Variants in TMEM8B observed in about 807,000 individuals in gnomAD.
TMEM8B encodes the protein transmembrane protein 8B.
A neutral mutation model predicts 49.3 loss-of-function variants in TMEM8B; 29 were observed. The ratio of observed to expected loss-of-function variants is 0.59; its 90% CI spans 0.44 to 0.80. TMEM8B has a LOEUF of 0.80. TMEM8B is among the 30% of genes least tolerant of loss of function. The pLI, the probability that TMEM8B is intolerant of heterozygous loss-of-function variation, is 0.00. For synonymous variants in TMEM8B, 264 were observed against 272.8 expected, an observed-to-expected ratio of 0.97 and a Z score of 0.32; for missense variants, 575 against 658.5, an observed-to-expected ratio of 0.87 and a Z score of 1.39.
Position 35,854,006 on chromosome 9 carries a change from G to A in TMEM8B, c.*166G>A. On this transcript the variant is annotated 3_prime_UTR_variant, in exon 13 of 13. Transcript: ENST00000643932. Reference sequence around the variant, plus strand: ...GACCTGGAGCCCTTCCCAGGACATGGAGAACTTCCTGAGGGCCTGGAGTCC... The same window carrying A: ...GACCTGGAGCCCTTCCCAGGACATGAAGAACTTCCTGAGGGCCTGGAGTCC... The A allele has an allele frequency of 1.5e-6, 2 of 1,342,864 alleles. No individual in the cohort carries two copies. The highest frequency in any genetic ancestry group is 4.6e-5 in the South Asian group (2 of 43,626). 83.2% of individuals were successfully genotyped at this position (1,342,864 alleles called of 1,614,324 possible).
intron 7 of TMEM8B, 83 bp from the exon 8 acceptor site, chr9:35,846,175 T>G: frequency 6.2e-7 from 1 of 1,606,934 alleles, no homozygotes; most frequent in South Asian, 1.1e-5. Context: ...AGGCTAGGGT[T>G]CCGGGAAGTG....
chr9:35,834,436 C>T (rs1014483753), intron 1 of TMEM8B, 25 bp from the exon 2 acceptor site: 9 of 413,996 alleles, frequency 2.2e-5, no homozygotes, highest in African/African-American at 1.9e-4. Flanking sequence ...CTGCCCTGCT[C>T]CTTTCTCTCT....
At chr9:35,833,907 C>T (rs115107501) in intron 1 of TMEM8B, among the ~76,000 whole-genome samples, 1,938 of 152,214 alleles carry the variant, frequency 0.013, 23 homozygotes, top group African/African-American at 0.04. Context: ...TTTTACTGCT[C>T]CTAACCACAG....
At position 35,860,398 on chromosome 9, in the gene TMEM8B, A is replaced by G. The variant is rs1465567042; in HGVS notation, c.*6558A>G. ...TTTCAGATTTATTCATCCACTAAGT[A>G]TTTATTAAGTACCTATTCTGTGCTA... On this transcript the variant is annotated 3_prime_UTR_variant, in exon 13 of 13. Transcript: ENST00000643932. 1 of 152,192 alleles carries G rather than the reference A, an allele frequency of 6.6e-6. No homozygotes were observed. The highest frequency in any genetic ancestry group is 1.5e-5 in the Non-Finnish European group (1 of 68,038). 9.4% of individuals were successfully genotyped at this position (152,192 alleles called of 1,614,324 possible).
chr9:35,834,006 A>G (rs1167530081), intron 1 of TMEM8B, among the ~76,000 whole-genome samples: 1 of 149,372 alleles, frequency 6.7e-6, no homozygotes, highest in African/African-American at 2.5e-5. Flanking sequence ...CAGCCTGCTC[A>G]GTGGCTTAAG....
intron 10 of TMEM8B, among the ~76,000 whole-genome samples, chr9:35,851,549 A>G (rs1240105715): frequency 6.6e-6 from 1 of 152,250 alleles, no homozygotes; most frequent in Non-Finnish European, 1.5e-5. Context: ...AGAGGGAACC[A>G]TGTCCCCAAA....
intron 10 of TMEM8B, among the ~76,000 whole-genome samples, chr9:35,849,958 G>A (rs1354873411): frequency 1.3e-5 from 2 of 152,210 alleles, no homozygotes; most frequent in African/African-American, 4.8e-5. Context: ...CTGGGGCTGT[G>A]CAGGTGTCCT....
At chr9:35,848,546 A>G (rs1200552780) in intron 10 of TMEM8B, among the ~76,000 whole-genome samples, 1 of 152,134 alleles carries the variant, frequency 6.6e-6, no homozygotes, top group African/African-American at 2.4e-5. Context: ...TCAGTGCTAG[A>G]TGACTCTTCC....
At position 35,841,316 on chromosome 9, in the gene TMEM8B, C is replaced by T; in HGVS notation, c.1040+49C>T. 2 of 416,860 alleles carry T rather than the reference C, an allele frequency of 4.8e-6. No individual in the cohort carries two copies. The allele number at this position is 416,860 out of a possible 1,614,324, so 25.8% of individuals were successfully genotyped here. A position where few individuals can be genotyped will look rare whatever the true frequency, so the allele number is the denominator to read the frequency against. ...TGGTCCTTTCCCTCTTCTGTGGCCT[C>T]ATACAGGCTGCAGGGTTCTCTCTTG... On this transcript the variant is annotated intron_variant, in intron 4 of 12. Transcript: ENST00000643932. The surrounding 1 kb of genome is among the most constrained non-coding windows in gnomAD (Gnocchi z 5.9).
intron 6 of TMEM8B, chr9:35,845,464 C>T (rs1282088244): frequency 2.0e-6 from 2 of 985,304 alleles, no homozygotes; most frequent in Non-Finnish European, 2.4e-6. Flanking sequence ...CTTTTAATCC[C>T]AGCCAGGTTG....
In TMEM8B at chr9:35,859,778, C is replaced by T. The variant is rs1183938551; in HGVS notation, c.*5938C>T. ...CAAAGGAGGAGGTGCCGCAGATGTC[C>T]ATGAGGGAGAGGTTGCTGAGAAGTA... On this transcript the variant is annotated 3_prime_UTR_variant, in exon 13 of 13. Coordinates refer to ENST00000643932, the MANE Select transcript of TMEM8B (RefSeq NM_001042590.4). 1.9e-5 allele frequency: 3 copies of T among 154,172 alleles called. No homozygotes were observed. The highest frequency in any genetic ancestry group is 4.4e-5 in the Non-Finnish European group (3 of 68,394). 9.6% of individuals were successfully genotyped at this position (154,172 alleles called of 1,614,324 possible).
At position 35,829,269 on chromosome 9, in the gene TMEM8B, A is replaced by G; in HGVS notation, c.-179A>G. Reference sequence around the variant, plus strand: ...GAGGCCGCCGCCGCGGGGCCTGGTTATCGCCGGTTCAGCGCAGCCCGGAGT... The same window carrying G: ...GAGGCCGCCGCCGCGGGGCCTGGTTGTCGCCGGTTCAGCGCAGCCCGGAGT... On this transcript the variant is annotated 5_prime_UTR_variant, in exon 1 of 13. Coordinates refer to ENST00000643932, the MANE Select transcript of TMEM8B (RefSeq NM_001042590.4). 1 of 354,366 alleles carries G rather than the reference A, an allele frequency of 2.8e-6. No homozygotes were observed. Among genetic ancestry groups the G allele is most frequent in the Non-Finnish European group, 5.1e-6 (1 of 196,958 alleles). 22.0% of individuals were successfully genotyped at this position (354,366 alleles called of 1,614,324 possible). A position where few individuals can be genotyped will look rare whatever the true frequency, so the allele number is the denominator to read the frequency against.
In TMEM8B at chr9:35,853,501, C is replaced by T; in HGVS notation, c.2440-4C>T. On this transcript the variant is annotated splice_polypyrimidine_tract_variant and splice_region_variant and intron_variant, in intron 12 of 12. Transcript: ENST00000643932. This position sits in a 1 kb window ranked among gnomAD's most constrained non-coding sequence, Gnocchi z 4.2. ...CCTGAGCCCCACTTCTCTGTCTCCC[C>T]CAGACAGTACGCAGCGTCCGCCGCC... 5 of 1,609,464 alleles carry T rather than the reference C, an allele frequency of 3.1e-6. No individual in the cohort carries two copies. The Admixed American group carries it at 5.0e-5, about 16-fold the overall frequency.
Position 35,863,742 on chromosome 9 carries a change from GC to G in TMEM8B, c.*9903del, listed in dbSNP as rs1255318764. 4.6e-5 allele frequency: 7 copies of G among 152,216 alleles called. No individual in the cohort carries two copies. Among genetic ancestry groups the G allele is most frequent in the Admixed American group, 4.6e-4 (7 of 15,282 alleles). 9.4% of individuals were successfully genotyped at this position (152,216 alleles called of 1,614,324 possible). A position where few individuals can be genotyped will look rare whatever the true frequency, so the allele number is the denominator to read the frequency against. ...ATGGCTGGGGAAGGACACACTGGAG[GC>G]TCTTGCTGCTCTGAGCCACAGGAGA... On this transcript the variant is annotated 3_prime_UTR_variant, in exon 13 of 13. Transcript: ENST00000643932.
At position 35,858,138 on chromosome 9, in the gene TMEM8B, T is replaced by C. The variant is rs1196104105; in HGVS notation, c.*4298T>C. 1 of 144,168 alleles carries C rather than the reference T, an allele frequency of 6.9e-6. No individual in the cohort carries two copies. The highest frequency in any genetic ancestry group is 2.6e-5 in the African/African-American group (1 of 38,766). 8.9% of individuals were successfully genotyped at this position (144,168 alleles called of 1,614,324 possible). A position where few individuals can be genotyped will look rare whatever the true frequency, so the allele number is the denominator to read the frequency against. On this transcript the variant is annotated 3_prime_UTR_variant, in exon 13 of 13. Transcript: ENST00000643932. ...TTTTTTTTTTGAGACGGAGTCTCAC[T>C]CTGTTGCCCAGGCTGGAGTGCAGTG...
chr9:35,831,065 C>A (rs942851401), intron 1 of TMEM8B, among the ~76,000 whole-genome samples: 4 of 152,174 alleles, frequency 2.6e-5, no homozygotes, highest in African/African-American at 9.7e-5. Flanking sequence ...GAATGGGTAT[C>A]AGTGAGCTCT....
chr9:35,842,866 T>G lies in TMEM8B; in HGVS notation c.1635+149T>G. On this transcript the variant is annotated intron_variant, in intron 6 of 12. Coordinates refer to ENST00000643932, the MANE Select transcript of TMEM8B (RefSeq NM_001042590.4). This position sits in a 1 kb window ranked among gnomAD's most constrained non-coding sequence, Gnocchi z 5.6. ...ATTAGGGACCATGGCTCAGCCCAAT[T>G]CTGGTCAACAAACATGTCCTGAGTA... is the stretch of plus-strand genomic sequence containing the variant. 3 of 776,364 alleles carry G rather than the reference T, an allele frequency of 3.9e-6. No individual in the cohort carries two copies. The highest frequency in any genetic ancestry group is 4.0e-6 in the Non-Finnish European group (2 of 502,366). 48.1% of individuals were successfully genotyped at this position (776,364 alleles called of 1,614,324 possible).
In TMEM8B at chr9:35,841,447, C is replaced by T. The variant is rs72727082; in HGVS notation, c.1041-79C>T. On this transcript the variant is annotated intron_variant, in intron 4 of 12. Coordinates refer to ENST00000643932, the MANE Select transcript of TMEM8B (RefSeq NM_001042590.4). The surrounding 1 kb of genome is among the most constrained non-coding windows in gnomAD (Gnocchi z 5.9). Reference sequence around the variant, plus strand: ...GCCTCCTTCCCACCCTATGCCCCCTCCTTCCTAGTGCTTCCCTTGCCCTGT... The same window carrying T: ...GCCTCCTTCCCACCCTATGCCCCCTTCTTCCTAGTGCTTCCCTTGCCCTGT... The T allele has an allele frequency of 0.04, 16,338 of 411,844 alleles. 431 individuals are homozygous for T. The highest frequency in any genetic ancestry group is 0.051 in the Non-Finnish European group (11,659 of 226,966). 25.5% of individuals were successfully genotyped at this position (411,844 alleles called of 1,614,324 possible).
At chr9:35,844,717 C>G (rs1174896774) in intron 6 of TMEM8B, among the ~76,000 whole-genome samples, 1 of 152,252 alleles carries the variant, frequency 6.6e-6, no homozygotes, top group Non-Finnish European at 1.5e-5. Flanking sequence ...CTTACGCATA[C>G]TTGTTCTTTC....
Sources: gnomAD v4.1 joint callset for allele counts (sites outside exome capture counted in the v4.1 genomes callset) on GRCh38, gnomAD v4.1.1 for gene constraint, Gnocchi (gnomAD v3.1) non-coding constraint, MANE v1.5 for transcripts, NCBI Gene and HGNC (gene_info 2026-07-23, HGNC 2026-07-21) for gene names.